Variants in CD9 observed in about 807,000 individuals in gnomAD.
CD9 encodes CD9 molecule.
A neutral mutation model predicts 31.4 loss-of-function variants in CD9; 10 were observed. The ratio of observed to expected loss-of-function variants is 0.32; its 90% CI spans 0.20 to 0.54. The LOEUF (loss-of-function observed/expected upper bound fraction) is 0.54. Among genes scored for constraint, CD9 ranks in the 20% least tolerant of loss-of-function variants. CD9 has a pLI of 0.94. For synonymous variants in CD9, 113 were observed against 114.1 expected (o/e 0.99, Z 0.06); for missense variants, 259 against 300.1 (o/e 0.86, Z 1.01).
chr12:6,218,452 T>G (rs117046583), intron 1 of CD9, among the ~76,000 whole-genome samples: 1 of 152,234 alleles, frequency 6.6e-6, no homozygotes, highest in East Asian at 1.9e-4. Flanking sequence ...CTTTTCCTCT[T>G]CCTCTGGGTT....
At chr12:6,236,105 C>G in intron 6 of CD9, 87 bp from the exon 7 acceptor site, 1 of 1,574,168 alleles carries the variant, frequency 6.4e-7, no homozygotes. Flanking sequence ...CACCAGTTCT[C>G]CCGGGTGAGA....
At chr12:6,216,782 C>G (rs1946247323) in intron 1 of CD9, among the ~76,000 whole-genome samples, 1 of 152,188 alleles carries the variant, frequency 6.6e-6, no homozygotes, top group South Asian at 2.1e-4. Context: ...GTCCTAAATT[C>G]CCCCGCTGCC....
chr12:6,219,436 A>C lies in CD9; in HGVS notation c.67-5990A>C, dbSNP rs527436888. ...CCCCAAATATTCCCCAACCAACCTT[A>C]ATGGGGCTTCCTTAGTATTTACTCT... On this transcript the variant is annotated intron_variant, in intron 1 of 7. Transcript: ENST00000009180. Among the ~76,000 whole-genome samples the C allele has an allele frequency of 7.0e-4, 107 of 152,104 alleles. 1 individual carries two copies. The highest frequency in any genetic ancestry group is 2.4e-3 in the African/African-American group (100 of 41,468).
chr12:6,237,775 A>C lies in CD9; in HGVS notation c.634A>C (p.Ile212Leu), dbSNP rs1470706086. ...TCCTATCTCCTAGATATTTGGCATG[A>C]TCTTCAGTATGATCTTGTGCTGTGC... ...GIAVVMIFGM[I>L]FSMILCCAIR... Residue 212 changes from isoleucine to leucine, a missense_variant, in exon 8 of 8, where the codon ATC becomes CTC. Physicochemically the swap from Ile to Leu is conservative, Grantham distance 5. Transcript: ENST00000009180. The C allele has an allele frequency of 6.2e-7, 1 of 1,613,050 alleles. No individual in the cohort carries two copies. Among genetic ancestry groups the C allele is most frequent in the Admixed American group, 1.7e-5 (1 of 59,990 alleles).
chr12:6,224,268 G>A (rs1219113867), intron 1 of CD9, among the ~76,000 whole-genome samples: 1 of 152,182 alleles, frequency 6.6e-6, no homozygotes, highest in African/African-American at 2.4e-5. Flanking sequence ...TTACAGATGG[G>A]AACACTGAAG....
chr12:6,234,705 G>C (rs1231394945), intron 4 of CD9, among the ~76,000 whole-genome samples: 2 of 152,208 alleles, frequency 1.3e-5, no homozygotes, highest in Admixed American at 6.5e-5. Flanking sequence ...ACGTGCTCCA[G>C]ATTTACTCTG....
chr12:6,210,187 G>T (rs1398473507), intron 1 of CD9, among the ~76,000 whole-genome samples: 3 of 152,218 alleles, frequency 2.0e-5, no homozygotes, highest in Admixed American at 2.0e-4. Context: ...TTCTGGGGAA[G>T]GGCAGAGGCT....
chr12:6,209,266 A>T (rs975450141), intron 1 of CD9, among the ~76,000 whole-genome samples: 3 of 152,138 alleles, frequency 2.0e-5, no homozygotes, highest in African/African-American at 4.8e-5. Flanking sequence ...GGCTCGTCGT[A>T]GCTTTTCAAG....
intron 2 of CD9, among the ~76,000 whole-genome samples, chr12:6,228,655 A>G (rs186927468): frequency 8.5e-5 from 13 of 152,206 alleles, no homozygotes; most frequent in Admixed American, 8.5e-4. Flanking sequence ...TTAGGAAATA[A>G]TAATTGTCGT....
At chr12:6,229,670 G>A (rs1946418568) in intron 2 of CD9, among the ~76,000 whole-genome samples, 3 of 152,150 alleles carry the variant, frequency 2.0e-5, no homozygotes, top group Admixed American at 1.3e-4. Context: ...GGTGAGTGCT[G>A]TTTGCAGGAC....
At chr12:6,223,841 G>A (rs1262480351) in intron 1 of CD9, among the ~76,000 whole-genome samples, 1 of 152,192 alleles carries the variant, frequency 6.6e-6, no homozygotes, top group African/African-American at 2.4e-5. Context: ...ACAGTGATCT[G>A]CTTGCTGCCT....
At chr12:6,227,280 C>T (rs1307266252) in intron 2 of CD9, among the ~76,000 whole-genome samples, 1 of 151,994 alleles carries the variant, frequency 6.6e-6, no homozygotes, top group Non-Finnish European at 1.5e-5. Flanking sequence ...CTCACCGCAA[C>T]CTCTGCCTCC....
chr12:6,236,045 C>A, intron 6 of CD9, 147 bp from the exon 7 acceptor site: 1 of 1,447,788 alleles, frequency 6.9e-7, no homozygotes, highest in Non-Finnish European at 9.1e-7. Flanking sequence ...ATCCACCAGC[C>A]AGAACTTCTC....
At chr12:6,230,072 C>T (rs1239427081) in intron 2 of CD9, among the ~76,000 whole-genome samples, 1 of 152,200 alleles carries the variant, frequency 6.6e-6, no homozygotes, top group Non-Finnish European at 1.5e-5. Context: ...CTGAATAGCC[C>T]TTGTAAAAAC....
At chr12:6,222,556 C>T (rs1002593775) in intron 1 of CD9, among the ~76,000 whole-genome samples, 1 of 152,140 alleles carries the variant, frequency 6.6e-6, no homozygotes, top group Non-Finnish European at 1.5e-5. Context: ...CTCCCGACTC[C>T]GGGCTTGGCC....
intron 2 of CD9, among the ~76,000 whole-genome samples, chr12:6,227,493 C>A: frequency 6.6e-6 from 1 of 152,112 alleles, no homozygotes; most frequent in East Asian, 1.9e-4. Context: ...CCACCTCGCC[C>A]GGCTGGAAGA....
rs746058673 is a variant in CD9, at chr12:6,233,431, T to G, written c.293T>G (p.Val98Gly). Residue 98 changes from valine to glycine, a missense_variant, in exon 4 of 8, where the codon GTG becomes GGG. Physicochemically the swap from Val to Gly is moderately radical, Grantham distance 109. Coordinates refer to ENST00000009180, the MANE Select transcript of CD9 (RefSeq NM_001769.4). ...MLGLFFGFLL[V>G]IFAIEIAAAI... ...TTCCAGTTCTTCGGCTTCCTCTTGG[T>G]GATATTCGCCATTGAAATAGCTGCG... is the stretch of plus-strand genomic sequence containing the variant. 9 of 1,614,010 alleles carry G rather than the reference T, an allele frequency of 5.6e-6. No individual in the cohort carries two copies. The Admixed American group carries it at 1.3e-4, about 24-fold the overall frequency.
At chr12:6,213,862 G>C (rs1565420919) in intron 1 of CD9, among the ~76,000 whole-genome samples, 1 of 152,166 alleles carries the variant, frequency 6.6e-6, no homozygotes, top group African/African-American at 2.4e-5. Context: ...GCCCCCACCA[G>C]GGCTAGGGTC....
chr12:6,229,335 C>T (rs1946411802), intron 2 of CD9, among the ~76,000 whole-genome samples: 1 of 152,132 alleles, frequency 6.6e-6, no homozygotes. Context: ...AGCTGGCATC[C>T]CCATCCTGGC....
Sources: allele counts gnomAD v4.1 joint callset (sites outside exome capture counted in the v4.1 genomes callset), GRCh38; gene constraint gnomAD v4.1.1; transcripts MANE v1.5; gene names NCBI Gene and HGNC (gene_info 2026-07-23, HGNC 2026-07-21).